Variants in SUGCT observed in about 807,000 individuals in gnomAD.
The protein encoded by SUGCT is succinyl-CoA:glutarate-CoA transferase, also known as succinyl-CoA:glutarate CoA-transferase.
A neutral mutation model predicts 55.0 loss-of-function variants in SUGCT; 41 were observed. That is an observed-to-expected ratio of 0.74 (90% CI 0.58 to 0.97). The LOEUF is 0.97. Among genes scored for constraint, SUGCT ranks in the 50% least tolerant of loss-of-function variants. The probability of loss-of-function intolerance (pLI) is 0.00; values close to 1 mark genes in which losing one functional copy is unlikely to be tolerated. For missense variants in SUGCT, 568 were observed against 547.8 expected, an observed-to-expected ratio of 1.04 and a Z score of -0.37; for synonymous variants, 187 against 200.4, an observed-to-expected ratio of 0.93 and a Z score of 0.56.
chr7:40,182,155 T>C, intron 3 of SUGCT, 127 bp downstream of exon 3: 1 of 612,770 alleles, frequency 1.6e-6, no homozygotes, highest in East Asian at 2.8e-5. Context: ...AATGATTGTC[T>C]TTTTCTTCTC....
At chr7:40,631,140 T>G (rs1156853129) in intron 12 of SUGCT, among the ~76,000 whole-genome samples, 2 of 152,192 alleles carry the variant, frequency 1.3e-5, no homozygotes, top group Non-Finnish European at 2.9e-5. Context: ...AACAAACATA[T>G]GAAAACAGGA....
rs564610116 is a variant in SUGCT, at chr7:40,512,023, T to C, written c.1089+15637T>C. On this transcript the variant is annotated intron_variant, in intron 12 of 13. Coordinates refer to ENST00000335693, the MANE Select transcript of SUGCT (RefSeq NM_001193313.2). Reference sequence around the variant, plus strand: ...CCTTGTCAAGAATTTAAATGAAAGATAATTTAAATTCATTTTTCTTTACAA... The same window carrying C: ...CCTTGTCAAGAATTTAAATGAAAGACAATTTAAATTCATTTTTCTTTACAA... 3.3e-5 allele frequency among the ~76,000 whole-genome samples: 5 copies of C among 152,356 alleles called. 1 individual carries two copies. Among genetic ancestry groups the C allele is most frequent in the African/African-American group, 1.2e-4 (5 of 41,588 alleles).
chr7:40,420,646 G>C (rs560163029), intron 9 of SUGCT, among the ~76,000 whole-genome samples: 1 of 152,148 alleles, frequency 6.6e-6, no homozygotes, highest in Non-Finnish European at 1.5e-5. Context: ...GCCAGGAAGA[G>C]TGTGTGTTTT....
intron 12 of SUGCT, among the ~76,000 whole-genome samples, chr7:40,596,415 G>A (rs991164429): frequency 1.3e-5 from 2 of 152,170 alleles, no homozygotes; most frequent in African/African-American, 4.8e-5. Context: ...TGAATGTATA[G>A]AGGTCACTTT....
intron 8 of SUGCT, among the ~76,000 whole-genome samples, chr7:40,307,604 G>T (rs1242185674): frequency 1.3e-5 from 2 of 152,142 alleles, no homozygotes; most frequent in African/African-American, 2.4e-5. Flanking sequence ...ATAAAATTAT[G>T]ATGAGGTAAT....
At chr7:40,137,659 C>T (rs1489088107) in intron 1 of SUGCT, among the ~76,000 whole-genome samples, 1 of 152,014 alleles carries the variant, frequency 6.6e-6, no homozygotes, top group Non-Finnish European at 1.5e-5. Context: ...TGTCGTATAG[C>T]AGTATACTCT....
chr7:40,909,807 A>G, the SUGCT span, among the ~76,000 whole-genome samples: 6 of 152,184 alleles, frequency 3.9e-5, no homozygotes, highest in African/African-American at 7.2e-5. Flanking sequence ...GAAGGTTTGC[A>G]GAAGAGTGAA....
At chr7:40,247,997 G>A (rs1276340873) in intron 7 of SUGCT, among the ~76,000 whole-genome samples, 1 of 126,586 alleles carries the variant, frequency 7.9e-6, no homozygotes, top group Non-Finnish European at 1.6e-5. Flanking sequence ...TGTGATTCTT[G>A]TGTTTTTGTT....
At chr7:40,923,038 G>C in the SUGCT span, among the ~76,000 whole-genome samples, 1 of 152,188 alleles carries the variant, frequency 6.6e-6, no homozygotes, top group African/African-American at 2.4e-5. Context: ...GAGATGGGTG[G>C]AGAGGTAGAC....
intron 12 of SUGCT, among the ~76,000 whole-genome samples, chr7:40,604,557 G>T (rs934449093): frequency 1.3e-5 from 2 of 152,048 alleles, no homozygotes; most frequent in Non-Finnish European, 2.9e-5. Flanking sequence ...TTACACTTCC[G>T]ATGCCTAAGA....
the SUGCT span, among the ~76,000 whole-genome samples, chr7:41,000,915 A>C: frequency 6.6e-6 from 1 of 152,170 alleles, no homozygotes; most frequent in South Asian, 2.1e-4. Context: ...CATTTGACCA[A>C]CTAGGTATAT....
At chr7:40,957,916 T>A in the SUGCT span, among the ~76,000 whole-genome samples, 6 of 152,198 alleles carry the variant, frequency 3.9e-5, no homozygotes, top group African/African-American at 1.4e-4. Context: ...TCTCCTTCAC[T>A]TATGAAGCTT....
the SUGCT span, among the ~76,000 whole-genome samples, chr7:40,882,262 A>G: frequency 1.3e-5 from 2 of 152,228 alleles, no homozygotes; most frequent in Non-Finnish European, 2.9e-5. Flanking sequence ...ACAATTTTAC[A>G]TAAAGCTCTG....
intron 13 of SUGCT, among the ~76,000 whole-genome samples, chr7:40,841,154 CTTAT>C (rs1463920706): frequency 6.6e-6 from 1 of 151,734 alleles, no homozygotes; most frequent in African/African-American, 2.4e-5. Flanking sequence ...TTCCTTTTTA[CTTAT>C]TTATTTTTCC....
At chr7:40,442,036 C>T (rs1318083510) in intron 9 of SUGCT, among the ~76,000 whole-genome samples, 1 of 151,960 alleles carries the variant, frequency 6.6e-6, no homozygotes, top group Non-Finnish European at 1.5e-5. Context: ...TTTCAAAGAC[C>T]AATCTTAGGA....
At chr7:40,399,813 C>G (rs1339423675) in intron 9 of SUGCT, among the ~76,000 whole-genome samples, 1 of 152,152 alleles carries the variant, frequency 6.6e-6, no homozygotes, top group Non-Finnish European at 1.5e-5. Flanking sequence ...CTACTTTACT[C>G]CTGATATTAG....
At chr7:40,835,932 A>C in intron 13 of SUGCT, among the ~76,000 whole-genome samples, 1 of 140,022 alleles carries the variant, frequency 7.1e-6, no homozygotes, top group African/African-American at 2.7e-5. Context: ...TCACTCTGTC[A>C]CCCAGGCTGG....
chr7:40,265,978 A>C (rs1159393069), intron 7 of SUGCT, among the ~76,000 whole-genome samples: 1 of 142,946 alleles, frequency 7.0e-6, no homozygotes, highest in Non-Finnish European at 1.5e-5. Context: ...CACACACACA[A>C]ACAAAAAACA....
At chr7:40,919,892 T>TC in the SUGCT span, among the ~76,000 whole-genome samples, 1 of 152,202 alleles carries the variant, frequency 6.6e-6, no homozygotes, top group Non-Finnish European at 1.5e-5. Context: ...CTCCCAGAGC[T>TC]CCTTTAACAG....
Sources: allele counts gnomAD v4.1 joint callset (sites outside exome capture counted in the v4.1 genomes callset), GRCh38; gene constraint gnomAD v4.1.1; transcripts MANE v1.5; gene names NCBI Gene and HGNC (gene_info 2026-07-23, HGNC 2026-07-21).